Variants in TRABD2B observed in about 807,000 individuals in gnomAD.
TRABD2B encodes metalloprotease TIKI2.
A neutral mutation model predicts 40.1 loss-of-function variants in TRABD2B; 14 were observed. That is an observed-to-expected ratio of 0.35 (90% confidence interval 0.23 to 0.55). The LOEUF is 0.55. Among genes scored for constraint, TRABD2B ranks in the 20% least tolerant of loss-of-function variants. The pLI is 0.90. For synonymous variants in TRABD2B, 263 were observed against 277.0 expected (o/e 0.95, Z 0.50); for missense variants, 541 against 648.6 (o/e 0.83, Z 1.80).
At chr1:47,875,695 A>G (rs57199820) in intron 2 of TRABD2B, among the ~76,000 whole-genome samples, 39,824 of 136,090 alleles carry the variant, frequency 0.29, 6,941 homozygotes, top group Non-Finnish European at 0.34. Flanking sequence ...AAAAAAAAAA[A>G]AAAAAGAAGA....
At chr1:47,990,018 T>C (rs1205856496) in intron 2 of TRABD2B, among the ~76,000 whole-genome samples, 1 of 152,230 alleles carries the variant, frequency 6.6e-6, no homozygotes, top group Admixed American at 6.5e-5. Flanking sequence ...AATGTAATTA[T>C]GAGGTCTAAT....
intron 2 of TRABD2B, among the ~76,000 whole-genome samples, chr1:47,977,007 C>A (rs1645765330): frequency 1.3e-5 from 2 of 151,816 alleles, no homozygotes; most frequent in South Asian, 4.2e-4. Context: ...GTTTTACATG[C>A]ACTCAGTTAT....
At chr1:47,867,248 CT>C (rs1365545593) in intron 2 of TRABD2B, among the ~76,000 whole-genome samples, 2 of 152,142 alleles carry the variant, frequency 1.3e-5, no homozygotes, top group Non-Finnish European at 2.9e-5. Context: ...ATATCTATAT[CT>C]TTTTCTACAA....
intron 2 of TRABD2B, among the ~76,000 whole-genome samples, chr1:47,900,676 GTAAA>G: frequency 6.6e-6 from 1 of 152,260 alleles, no homozygotes; most frequent in Non-Finnish European, 1.5e-5. Flanking sequence ...AATGAACGAA[GTAAA>G]AACCTAGTTT....
chr1:47,984,389 G>C (rs543383115), intron 2 of TRABD2B, among the ~76,000 whole-genome samples: 1 of 152,342 alleles, frequency 6.6e-6, no homozygotes, highest in South Asian at 2.1e-4. Context: ...ACGTGCACTT[G>C]CGCTCGCGGA....
rs1189215841 is a variant in TRABD2B, at chr1:47,764,061, A to T, written c.*1841T>A. On this transcript the variant is annotated 3_prime_UTR_variant, in exon 7 of 7. Transcript: ENST00000606738. ...GTAAAGAATTCAGCTGCCTGCCAAG[A>T]TGCCCGTGGGACTCCTGACCATCCC... 1 of 152,242 alleles carries T rather than the reference A, an allele frequency of 6.6e-6. No individual in the cohort carries two copies. The highest frequency in any genetic ancestry group is 1.9e-4 in the East Asian group (1 of 5,180). The allele number at this position is 152,242 out of a possible 1,614,324, so 9.4% of individuals were successfully genotyped here.
intron 2 of TRABD2B, among the ~76,000 whole-genome samples, chr1:47,980,104 T>C (rs1227201090): frequency 2.0e-5 from 3 of 152,208 alleles, no homozygotes. Flanking sequence ...GTGACCCCTA[T>C]GTGCTTCTAT....
intron 2 of TRABD2B, among the ~76,000 whole-genome samples, chr1:47,824,385 C>T (rs931110903): frequency 4.6e-5 from 7 of 152,210 alleles, no homozygotes; most frequent in Non-Finnish European, 7.3e-5. Flanking sequence ...CTGACTCTGA[C>T]GCCCACCTAC....
chr1:47,815,748 G>C (rs1284731839), intron 2 of TRABD2B, among the ~76,000 whole-genome samples: 1 of 150,856 alleles, frequency 6.6e-6, no homozygotes, highest in East Asian at 2.0e-4. Flanking sequence ...GGTTGTGTAA[G>C]AATGTGTGTG....
At chr1:47,857,894 C>A in intron 2 of TRABD2B, among the ~76,000 whole-genome samples, 1 of 99,270 alleles carries the variant, frequency 1.0e-5, no homozygotes, top group Non-Finnish European at 1.8e-5. Flanking sequence ...GTACCCACCC[C>A]CCACCCCTTA....
At chr1:47,924,335 C>G (rs1032266257) in intron 2 of TRABD2B, among the ~76,000 whole-genome samples, 11 of 152,142 alleles carry the variant, frequency 7.2e-5, no homozygotes, top group Non-Finnish European at 1.3e-4. Flanking sequence ...GAACACAGTA[C>G]AGCAGTGCAT....
intron 2 of TRABD2B, among the ~76,000 whole-genome samples, chr1:47,910,222 T>C (rs550597949): frequency 1.3e-5 from 2 of 152,196 alleles, no homozygotes; most frequent in South Asian, 2.1e-4. Context: ...AGGAAGGTAT[T>C]CTTACTACCT....
At chr1:47,887,833 G>T (rs1429095959) in intron 2 of TRABD2B, among the ~76,000 whole-genome samples, 4 of 152,174 alleles carry the variant, frequency 2.6e-5, no homozygotes, top group Admixed American at 6.5e-5. Flanking sequence ...AACCAGTCCT[G>T]GGTGCTCCCC....
At chr1:47,781,053 T>A (rs1388247391) in intron 4 of TRABD2B, among the ~76,000 whole-genome samples, 4 of 152,120 alleles carry the variant, frequency 2.6e-5, no homozygotes, top group Non-Finnish European at 4.4e-5. Flanking sequence ...CAGTACTGAG[T>A]GATGGGCTGG....
chr1:47,818,468 T>C (rs1454474996), intron 2 of TRABD2B: 1 of 152,298 alleles, frequency 6.6e-6, no homozygotes, highest in African/African-American at 2.4e-5. Flanking sequence ...AGTGTCCAAC[T>C]GCACGGACTT....
intron 4 of TRABD2B, among the ~76,000 whole-genome samples, chr1:47,793,591 G>A (rs981459145): frequency 6.6e-6 from 1 of 152,248 alleles, no homozygotes; most frequent in African/African-American, 2.4e-5. Flanking sequence ...TGGTGAGCAT[G>A]TCCAGGAGCC....
At chr1:47,831,036 C>A (rs369324059) in intron 2 of TRABD2B, among the ~76,000 whole-genome samples, 6 of 149,914 alleles carry the variant, frequency 4.0e-5, no homozygotes, top group Non-Finnish European at 7.4e-5. Flanking sequence ...GAGCCACATT[C>A]CCCCAGCCCT....
chr1:47,877,271 G>A (rs1323716047), intron 2 of TRABD2B, among the ~76,000 whole-genome samples: 1 of 152,068 alleles, frequency 6.6e-6, no homozygotes, highest in Non-Finnish European at 1.5e-5. Flanking sequence ...TGGGAAGACA[G>A]CTTGGTGTGT....
chr1:47,971,940 T>C (rs1191745845), intron 2 of TRABD2B, among the ~76,000 whole-genome samples: 3 of 152,052 alleles, frequency 2.0e-5, no homozygotes, highest in Non-Finnish European at 4.4e-5. Flanking sequence ...CACAAACAGA[T>C]GAAAGAGCCA....
Sources: allele counts gnomAD v4.1 joint callset (sites outside exome capture counted in the v4.1 genomes callset), GRCh38; gene constraint gnomAD v4.1.1; transcripts MANE v1.5; gene names NCBI Gene and HGNC (gene_info 2026-07-23, HGNC 2026-07-21).